BANK1: variants seen among roughly 807,000 people sequenced by gnomAD.
The protein encoded by BANK1 is B cell scaffold protein with ankyrin repeats 1.
In BANK1, 95 loss-of-function variants were observed where a neutral mutation model predicts 94.5. That is an observed-to-expected ratio of 1.00 (90% CI 0.85 to 1.19). BANK1 has a LOEUF of 1.19. BANK1 is among the 50% of genes most tolerant of loss of function. The pLI is 0.00. For synonymous variants in BANK1, 334 were observed against 308.4 expected (o/e 1.08, Z -0.87); for missense variants, 987 against 932.2 (o/e 1.06, Z -0.77).
chr4:101,936,405 G>T (rs1578408264), intron 7 of BANK1, among the ~76,000 whole-genome samples: 1 of 149,808 alleles, frequency 6.7e-6, no homozygotes, highest in African/African-American at 2.4e-5. Context: ...GTATATATGT[G>T]CGTATGCATG....
intron 4 of BANK1, among the ~76,000 whole-genome samples, chr4:101,868,197 T>C (rs904051300): frequency 4.0e-5 from 6 of 151,858 alleles, no homozygotes; most frequent in African/African-American, 1.5e-4. Flanking sequence ...TGTAATGAAA[T>C]TGAAATACAA....
intron 4 of BANK1, among the ~76,000 whole-genome samples, chr4:101,864,273 T>C (rs188757878): frequency 6.6e-6 from 1 of 152,294 alleles, no homozygotes; most frequent in African/African-American, 2.4e-5. Flanking sequence ...TTTGGTTGGA[T>C]GGAAACTGCC....
chr4:102,034,454 A>G (rs1727432283), intron 10 of BANK1, among the ~76,000 whole-genome samples: 1 of 152,224 alleles, frequency 6.6e-6, no homozygotes, highest in Non-Finnish European at 1.5e-5. Flanking sequence ...ATGAGATAAA[A>G]TTAGAAAATA....
At chr4:102,057,376 T>G (rs1328819275) in intron 11 of BANK1, among the ~76,000 whole-genome samples, 1 of 83,424 alleles carries the variant, frequency 1.2e-5, no homozygotes, top group Non-Finnish European at 2.3e-5. Context: ...CTCTTTTTTT[T>G]TCTTAAGCAA....
At chr4:101,998,616 T>C (rs1411216480) in intron 7 of BANK1, among the ~76,000 whole-genome samples, 2 of 152,196 alleles carry the variant, frequency 1.3e-5, no homozygotes, top group Non-Finnish European at 2.9e-5. Context: ...GGTGCATGTA[T>C]ATTTAGGATT....
chr4:101,828,383 T>TTATATATATATATATA (rs60877981), intron 1 of BANK1, among the ~76,000 whole-genome samples: 32 of 142,174 alleles, frequency 2.3e-4, no homozygotes, highest in South Asian at 1.4e-3. Flanking sequence ...ATGAGTGAAT[T>TTATATATATATATATA]TATATATATA....
At chr4:101,824,941 T>A (rs1306253926) in intron 1 of BANK1, among the ~76,000 whole-genome samples, 1 of 152,186 alleles carries the variant, frequency 6.6e-6, no homozygotes, top group Non-Finnish European at 1.5e-5. Flanking sequence ...TTGATATAAA[T>A]TATTGATAAA....
chr4:101,996,462 A>C (rs1382076510), intron 7 of BANK1, among the ~76,000 whole-genome samples: 1 of 152,176 alleles, frequency 6.6e-6, no homozygotes, highest in East Asian at 1.9e-4. Flanking sequence ...TAATTCTGTG[A>C]AGAAAGTCAA....
At chr4:102,012,409 CT>C (rs1397082163) in intron 7 of BANK1, among the ~76,000 whole-genome samples, 1 of 151,966 alleles carries the variant, frequency 6.6e-6, no homozygotes, top group African/African-American at 2.4e-5. Context: ...AAATAACTCT[CT>C]TAATTCTGTA....
chr4:101,795,108 C>T (rs534555118), intron 1 of BANK1, among the ~76,000 whole-genome samples: 5 of 151,672 alleles, frequency 3.3e-5, no homozygotes, highest in Admixed American at 6.6e-5. Context: ...CTCCTTTGGT[C>T]GGGAACAATA....
intron 1 of BANK1, among the ~76,000 whole-genome samples, chr4:101,805,521 T>C: frequency 6.6e-6 from 1 of 151,780 alleles, no homozygotes; most frequent in East Asian, 1.9e-4. Context: ...CAAATAAAGC[T>C]GTAGCCGTTT....
intron 6 of BANK1, among the ~76,000 whole-genome samples, chr4:101,905,248 G>A (rs1722410286): frequency 1.3e-5 from 2 of 152,168 alleles, no homozygotes; most frequent in South Asian, 4.1e-4. Context: ...GCTGGCAAGG[G>A]TCCACAGACT....
At chr4:101,938,213 C>T (rs2851335) in intron 7 of BANK1, among the ~76,000 whole-genome samples, 122,257 of 151,432 alleles carry the variant, frequency 0.81, 49,964 homozygotes, top group Non-Finnish European at 0.88. Flanking sequence ...GTTCTGCACA[C>T]GTATCCCAGA....
At chr4:101,846,747 C>T (rs948456932) in intron 2 of BANK1, among the ~76,000 whole-genome samples, 2 of 152,084 alleles carry the variant, frequency 1.3e-5, no homozygotes, top group Non-Finnish European at 2.9e-5. Context: ...AAACCACCCC[C>T]GTGATCTAGT....
intron 3 of BANK1, among the ~76,000 whole-genome samples, chr4:101,859,354 T>A (rs903583431): frequency 3.3e-5 from 5 of 152,194 alleles, no homozygotes; most frequent in Admixed American, 6.5e-5. Context: ...CACAAAATAA[T>A]GCCTGTGTCC....
chr4:101,992,061 A>G (rs1048301870), intron 7 of BANK1, among the ~76,000 whole-genome samples: 3 of 152,170 alleles, frequency 2.0e-5, no homozygotes, highest in African/African-American at 7.2e-5. Context: ...TTGCAGATGA[A>G]AAATAGGAGG....
At chr4:101,859,987 C>T (rs895626495) in intron 3 of BANK1, among the ~76,000 whole-genome samples, 8 of 152,036 alleles carry the variant, frequency 5.3e-5, no homozygotes, top group Non-Finnish European at 1.0e-4. Context: ...TATGGATATG[C>T]AGTGCTTTAG....
intron 7 of BANK1, among the ~76,000 whole-genome samples, chr4:102,014,800 G>T (rs572105542): frequency 1.3e-5 from 2 of 152,186 alleles, no homozygotes; most frequent in Middle Eastern, 6.8e-3. Flanking sequence ...TACATACTAA[G>T]AATTTCCCAG....
intron 11 of BANK1, among the ~76,000 whole-genome samples, chr4:102,057,303 TCTCC>T (rs200713767): frequency 6.6e-6 from 1 of 151,726 alleles, no homozygotes; most frequent in Non-Finnish European, 1.5e-5. Flanking sequence ...TCTCTTTCTC[TCTCC>T]CTGTTTCTCT....
Sources: allele counts gnomAD v4.1 joint callset (sites outside exome capture counted in the v4.1 genomes callset), GRCh38; gene constraint gnomAD v4.1.1; transcripts MANE v1.5; gene names NCBI Gene and HGNC (gene_info 2026-07-23, HGNC 2026-07-21).